Variants in BLMH observed in about 807,000 individuals in gnomAD.
BLMH encodes the protein BLM hydrolase.
A neutral mutation model predicts 61.6 loss-of-function variants in BLMH; 32 were observed. The ratio of observed to expected loss-of-function variants is 0.52; its 90% CI spans 0.39 to 0.70. BLMH has a LOEUF of 0.70. Ranked by LOEUF, BLMH falls within the 30% of genes least tolerant of loss-of-function variation. The probability of loss-of-function intolerance (pLI) is 0.00; values close to 1 mark genes in which losing one functional copy is unlikely to be tolerated. For missense variants in BLMH, 460 were observed against 555.5 expected (o/e 0.83, Z 1.73); for synonymous variants, 183 against 193.8 (o/e 0.94, Z 0.46).
chr17:30,282,842 T>C (rs1355908185), intron 6 of BLMH, among the ~76,000 whole-genome samples: 3 of 152,146 alleles, frequency 2.0e-5, no homozygotes, highest in Admixed American at 2.0e-4. Flanking sequence ...AAAGAAGTCA[T>C]TTGGGGGATT....
chr17:30,255,142 T>C (rs1426454744), intron 11 of BLMH, among the ~76,000 whole-genome samples: 3 of 152,266 alleles, frequency 2.0e-5, no homozygotes, highest in Non-Finnish European at 4.4e-5. Flanking sequence ...ATTAATGCAC[T>C]GTGTAATGAC....
At chr17:30,275,672 C>G (rs902170414) in intron 6 of BLMH, among the ~76,000 whole-genome samples, 41 of 151,022 alleles carry the variant, frequency 2.7e-4, no homozygotes, top group African/African-American at 9.3e-4. Context: ...GGGGACAGGG[C>G]GAGACTCCAT....
chr17:30,289,145 G>A (rs1019800330), intron 3 of BLMH, among the ~76,000 whole-genome samples: 3 of 152,102 alleles, frequency 2.0e-5, no homozygotes, highest in Non-Finnish European at 4.4e-5. Context: ...CAAGCAAGCA[G>A]TAAGATGAGT....
intron 3 of BLMH, among the ~76,000 whole-genome samples, chr17:30,288,873 G>A (rs1056889546): frequency 2.6e-5 from 4 of 152,078 alleles, no homozygotes; most frequent in South Asian, 4.1e-4. Flanking sequence ...AGGCTGAGTT[G>A]AGAGGATGGC....
Position 30,272,887 on chromosome 17 carries a change from T to C in BLMH, c.814A>G (p.Asn272Asp). ...TACTTGTGCTGGGGCCTAGGGTCATTCACTAAACAAATCTATCAAGATCAA... is the reference window on the plus strand; with the variant it reads ...TACTTGTGCTGGGGCCTAGGGTCATCCACTAAACAAATCTATCAAGATCAA... ...FNMEDKICLVNDPRPQHKYNK... is the reference protein window; with the variant it reads ...FNMEDKICLVDDPRPQHKYNK... The change falls in exon 8 of 12, where the codon AAT (asparagine) becomes GAT (aspartate). Residue 272 changes from asparagine (N) to aspartate (D), a missense_variant. Around this residue, in one of 5 missense-constraint regions of BLMH, gnomAD observed 310 missense variants for 371.1 expected, o/e 0.84. Transcript: ENST00000261714. The C allele has an allele frequency of 6.2e-7, 1 of 1,613,506 alleles. No homozygotes were observed. Among genetic ancestry groups the C allele is most frequent in the Non-Finnish European group, 8.5e-7 (1 of 1,179,846 alleles).
chr17:30,282,604 C>G (rs1908623247), intron 6 of BLMH, among the ~76,000 whole-genome samples: 1 of 152,208 alleles, frequency 6.6e-6, no homozygotes, highest in South Asian at 2.1e-4. Flanking sequence ...CTACACATCT[C>G]CAAAACAGAT....
chr17:30,283,165 G>A (rs1443073470), intron 6 of BLMH, among the ~76,000 whole-genome samples: 1 of 152,040 alleles, frequency 6.6e-6, no homozygotes, highest in Non-Finnish European at 1.5e-5. Flanking sequence ...CTGTCTCTAA[G>A]GGGGAAAAAA....
At chr17:30,271,441 T>C in intron 9 of BLMH, 53 bp from the exon 10 acceptor site, 1 of 1,455,796 alleles carries the variant, frequency 6.9e-7, no homozygotes, top group East Asian at 2.3e-5. Context: ...TGGGGAAAAC[T>C]GGCTTTTGGT....
At chr17:30,266,750 G>T (rs1167560215) in intron 11 of BLMH, 135 bp downstream of exon 11, 1 of 797,690 alleles carries the variant, frequency 1.3e-6, no homozygotes, top group Non-Finnish European at 2.0e-6. Flanking sequence ...CAGATCCTCA[G>T]ATTTTTCTGT....
intron 7 of BLMH, 62 bp from the exon 8 acceptor site, chr17:30,272,961 C>T: frequency 1.3e-6 from 2 of 1,552,464 alleles, no homozygotes; most frequent in South Asian, 1.2e-5. Flanking sequence ...CAACACACAG[C>T]TCTCCTCTAG....
At chr17:30,265,464 G>T (rs1485547605) in intron 11 of BLMH, among the ~76,000 whole-genome samples, 3 of 152,156 alleles carry the variant, frequency 2.0e-5, no homozygotes, top group African/African-American at 4.8e-5. Context: ...ACGGCTGTGA[G>T]GAACATAGCT....
In BLMH at chr17:30,274,227, A is replaced by G. The variant is rs149455631; in HGVS notation, c.646-30T>C. ...AAGAGAGGAGGAGGAAAGGCGAGCA[A>G]TGGTTAGGGGGAAATGTTATTTTTT... On this transcript the variant is annotated intron_variant, in intron 6 of 11. Transcript: ENST00000261714. 3,246 of 1,608,496 alleles carry G rather than the reference A, an allele frequency of 2.0e-3. 13 individuals are homozygous for G. The highest frequency in any genetic ancestry group is 2.0e-3 in the Admixed American group (117 of 58,804).
At chr17:30,283,956 A>G (rs994913902) in intron 6 of BLMH, among the ~76,000 whole-genome samples, 6 of 152,228 alleles carry the variant, frequency 3.9e-5, no homozygotes, top group African/African-American at 1.2e-4. Context: ...TATGCCTTGC[A>G]TGCTTACATT....
In BLMH at chr17:30,249,278, A is replaced by T. The variant is rs904464544; in HGVS notation, c.1217-110T>A. Reference sequence around the variant, plus strand: ...AAACTAATATTCATACATATTTTTCAGCTTTCCCATCTGTAATTTCATTTA... The same window carrying T: ...AAACTAATATTCATACATATTTTTCTGCTTTCCCATCTGTAATTTCATTTA... On this transcript the variant is annotated intron_variant, in intron 11 of 11. Transcript: ENST00000261714. 4.3e-6 allele frequency: 5 copies of T among 1,171,782 alleles called. No individual in the cohort carries two copies. In the African/African-American group the frequency reaches 7.8e-5, roughly 18 times the overall value. 72.6% of individuals were successfully genotyped at this position (1,171,782 alleles called of 1,614,324 possible). A position where few individuals can be genotyped will look rare whatever the true frequency, so the allele number is the denominator to read the frequency against.
At chr17:30,290,776 A>C (rs1259601986) in intron 2 of BLMH, among the ~76,000 whole-genome samples, 1 of 152,246 alleles carries the variant, frequency 6.6e-6, no homozygotes, top group Non-Finnish European at 1.5e-5. Context: ...GCAAGGCATG[A>C]GAACAGAACT....
rs367890382 is a variant in BLMH, at chr17:30,285,484, T to C, written c.553-4A>G. 2 of 1,603,430 alleles carry C rather than the reference T, an allele frequency of 1.2e-6. No homozygotes were observed. The highest frequency in any genetic ancestry group is 1.7e-6 in the Non-Finnish European group (2 of 1,174,498). ...GTCGTATACAGAATTCTCTCATCTA[T>C]GACAGAAACTTATTCAGCACTCCAA... On this transcript the variant is annotated splice_region_variant and splice_polypyrimidine_tract_variant and intron_variant, in intron 5 of 11. Transcript: ENST00000261714.
intron 6 of BLMH, among the ~76,000 whole-genome samples, chr17:30,276,813 A>G (rs1908437796): frequency 6.6e-6 from 1 of 152,258 alleles, no homozygotes; most frequent in African/African-American, 2.4e-5. Flanking sequence ...ATCAATATAC[A>G]TAACATTTCC....
intron 3 of BLMH, among the ~76,000 whole-genome samples, chr17:30,288,548 C>T (rs961065650): frequency 1.3e-5 from 2 of 151,980 alleles, no homozygotes; most frequent in Admixed American, 1.3e-4. Flanking sequence ...TGGGGTTTCG[C>T]CAGGTCCAGA....
At chr17:30,272,680 T>C (rs889636026) in intron 8 of BLMH, 52 bp from the exon 9 acceptor site, 4 of 1,614,026 alleles carry the variant, frequency 2.5e-6, no homozygotes, top group Middle Eastern at 1.6e-4. Context: ...ATCTTCCTAT[T>C]ATACCAAAGA....
Sources: gnomAD v4.1 joint callset for allele counts (sites outside exome capture counted in the v4.1 genomes callset) on GRCh38, gnomAD v4.1.1 for gene constraint, gnomAD v4.1.1 regional missense constraint, MANE v1.5 for transcripts, NCBI Gene and HGNC (gene_info 2026-07-23, HGNC 2026-07-21) for gene names.